Variants in ARB2A observed in about 807,000 individuals in gnomAD.
ARB2A encodes ARB2 cotranscriptional regulator A.
chr5:93,644,469 T>A, the ARB2A span, among the ~76,000 whole-genome samples: 1 of 152,068 alleles, frequency 6.6e-6, no homozygotes, highest in Admixed American at 6.6e-5. Context: ...CCTTAAAGGG[T>A]CCCAGAAAGT....
At chr5:93,664,083 T>G in the ARB2A span, among the ~76,000 whole-genome samples, 4 of 151,902 alleles carry the variant, frequency 2.6e-5, no homozygotes, top group Admixed American at 2.6e-4. Context: ...TTTTTATACT[T>G]TTTTAGCGGT....
the ARB2A span, among the ~76,000 whole-genome samples, chr5:93,915,290 G>C: frequency 6.6e-6 from 1 of 151,618 alleles, no homozygotes; most frequent in Admixed American, 6.6e-5. Context: ...CCATCTTGTG[G>C]ACTCAAAAAT....
the ARB2A span, among the ~76,000 whole-genome samples, chr5:94,065,273 G>T: frequency 3.4e-4 from 52 of 152,266 alleles, no homozygotes; most frequent in East Asian, 4.8e-3. Flanking sequence ...CAGCACTTTG[G>T]GGGGCTGAGG....
At chr5:93,662,013 G>A in the ARB2A span, among the ~76,000 whole-genome samples, 1 of 152,170 alleles carries the variant, frequency 6.6e-6, no homozygotes, top group African/African-American at 2.4e-5. Flanking sequence ...TATGTCGCAT[G>A]AGAGCTAAGT....
the ARB2A span, among the ~76,000 whole-genome samples, chr5:94,041,063 A>T: frequency 6.6e-6 from 1 of 152,108 alleles, no homozygotes; most frequent in Admixed American, 6.6e-5. Flanking sequence ...ATTTCTTACT[A>T]GTCAGACTTC....
chr5:94,050,608 A>AG, the ARB2A span: 6 of 746,826 alleles, frequency 8.0e-6, no homozygotes, highest in East Asian at 1.7e-4. Flanking sequence ...AAAAAAAAAA[A>AG]ACAAAAACCT....
At chr5:93,958,745 C>T in the ARB2A span, 2 of 1,425,230 alleles carry the variant, frequency 1.4e-6, no homozygotes, top group Non-Finnish European at 1.9e-6. Flanking sequence ...CTATAAAATG[C>T]CAAAAAAAAA....
At chr5:94,066,453 C>A in the ARB2A span, among the ~76,000 whole-genome samples, 1 of 151,216 alleles carries the variant, frequency 6.6e-6, no homozygotes, top group Non-Finnish European at 1.5e-5. Context: ...CACACACACA[C>A]ACACACACAC....
At chr5:94,084,408 G>A in the ARB2A span, among the ~76,000 whole-genome samples, 1 of 151,860 alleles carries the variant, frequency 6.6e-6, no homozygotes, top group African/African-American at 2.4e-5. Flanking sequence ...AAAGAAGACT[G>A]AAATACAAAA....
chr5:93,855,157 A>T, the ARB2A span, among the ~76,000 whole-genome samples: 2 of 152,128 alleles, frequency 1.3e-5, no homozygotes, highest in Non-Finnish European at 2.9e-5. Flanking sequence ...TTGGGTGCAT[A>T]TATATTTAGG....
At chr5:94,023,476 T>C in the ARB2A span, among the ~76,000 whole-genome samples, 1 of 152,206 alleles carries the variant, frequency 6.6e-6, no homozygotes, top group East Asian at 1.9e-4. Flanking sequence ...AACAATATTG[T>C]GTATTCAAAT....
the ARB2A span, among the ~76,000 whole-genome samples, chr5:93,748,901 C>T: frequency 6.6e-6 from 1 of 152,106 alleles, no homozygotes; most frequent in Non-Finnish European, 1.5e-5. Context: ...CATCATATCA[C>T]TTATGGTATG....
chr5:94,012,392 A>C, the ARB2A span, among the ~76,000 whole-genome samples: 1 of 152,170 alleles, frequency 6.6e-6, no homozygotes, highest in Non-Finnish European at 1.5e-5. Flanking sequence ...ACAGAGCGAG[A>C]CTCCATCTCA....
chr5:93,975,044 G>GT, the ARB2A span, among the ~76,000 whole-genome samples: 1 of 152,118 alleles, frequency 6.6e-6, no homozygotes, highest in Non-Finnish European at 1.5e-5. Context: ...GCTGGGCGCG[G>GT]TGGCTCATGC....
the ARB2A span, among the ~76,000 whole-genome samples, chr5:93,972,930 G>A: frequency 1.4e-5 from 2 of 137,952 alleles, no homozygotes; most frequent in African/African-American, 2.7e-5. Context: ...AAAAAAAAGA[G>A]AAAACTCACT....
At chr5:94,086,713 T>C in the ARB2A span, among the ~76,000 whole-genome samples, 1 of 152,020 alleles carries the variant, frequency 6.6e-6, no homozygotes, top group African/African-American at 2.4e-5. Context: ...CCACCACGCC[T>C]GGCTAATATT....
chr5:93,703,656 G>A, the ARB2A span, among the ~76,000 whole-genome samples: 1 of 152,196 alleles, frequency 6.6e-6, no homozygotes, highest in South Asian at 2.1e-4. Flanking sequence ...GTCACTAAAT[G>A]ATGTACTGTA....
At chr5:93,858,402 C>G in the ARB2A span, among the ~76,000 whole-genome samples, 1 of 152,186 alleles carries the variant, frequency 6.6e-6, no homozygotes, top group Non-Finnish European at 1.5e-5. Flanking sequence ...ATCCAAATTC[C>G]CAGATGATAA....
the ARB2A span, among the ~76,000 whole-genome samples, chr5:93,883,307 A>G: frequency 2.0e-5 from 3 of 151,612 alleles, no homozygotes; most frequent in African/African-American, 4.8e-5. Context: ...ATTCTTCAAC[A>G]GATGTTCAAA....
Sources: allele counts gnomAD v4.1 joint callset (sites outside exome capture counted in the v4.1 genomes callset), GRCh38; gene constraint gnomAD v4.1.1; transcripts MANE v1.5; gene names NCBI Gene and HGNC (gene_info 2026-07-23, HGNC 2026-07-21).